The following CNR1 variants were observed in gnomAD, a reference collection of about 807,000 sequenced individuals.
The protein encoded by CNR1 is cannabinoid receptor 1 (brain).
In CNR1, 10 loss-of-function variants were observed where a neutral mutation model predicts 23.0. That is an observed-to-expected ratio of 0.43 (90% confidence interval 0.27 to 0.74). The LOEUF is 0.74. CNR1 is among the 30% of genes least tolerant of loss of function. The pLI is 0.19. For missense variants in CNR1, 422 were observed against 618.8 expected (o/e 0.68, Z 3.37); for synonymous variants, 271 against 255.2 (o/e 1.06, Z -0.59).
chr6:88,144,684 C>T lies in CNR1; in HGVS notation c.591G>A (p.Thr197=), dbSNP rs752402832. The T allele has an allele frequency of 8.1e-6, 13 of 1,614,172 alleles. No individual in the cohort carries two copies. Among genetic ancestry groups the T allele is most frequent in the South Asian group, 3.3e-5 (3 of 91,078 alleles). ...TGCCCACGGAGGCAGTGAAGGAGGCCGTGACCCCACCCAGTTTGAACAGAA... is the reference window on the plus strand; with the variant it reads ...TGCCCACGGAGGCAGTGAAGGAGGCTGTGACCCCACCCAGTTTGAACAGAA... ...NVFLFKLGGV[T]ASFTASVGSL... is the part of the protein sequence containing the mutation. Residue 197 remains threonine, a synonymous_variant, in exon 2 of 2, where the codon ACG becomes ACA. Coordinates refer to ENST00000369501, the MANE Select transcript of CNR1 (RefSeq NM_016083.6). This position sits in a 1 kb window ranked among gnomAD's most constrained non-coding sequence, Gnocchi z 7.8.
chr6:88,159,895 T>C (rs1454181154), intron 1 of CNR1, among the ~76,000 whole-genome samples: 3 of 151,970 alleles, frequency 2.0e-5, no homozygotes, highest in Non-Finnish European at 2.9e-5. Context: ...AAGTCCCTCA[T>C]ATAAAGAATA....
chr6:88,166,904 CT>C (rs1327371611), upstream of CNR1, among the ~76,000 whole-genome samples: 1 of 151,918 alleles, frequency 6.6e-6, no homozygotes, highest in Non-Finnish European at 1.5e-5. Context: ...CGGCAGCGAG[CT>C]GGGCCCGGGG....
At chr6:88,151,467 C>A (rs1206634331) in intron 1 of CNR1, among the ~76,000 whole-genome samples, 1 of 152,126 alleles carries the variant, frequency 6.6e-6, no homozygotes, top group East Asian at 1.9e-4. Flanking sequence ...TCTTTCTAAG[C>A]CTCAGTATTT....
rs1031712874 is a variant in CNR1 at position 88,149,274 on chromosome 6, G to C, written c.-63-3937C>G. 2.0e-5 allele frequency among the ~76,000 whole-genome samples: 3 copies of C among 152,286 alleles called. No homozygotes were observed. In the East Asian group the frequency reaches 5.8e-4, roughly 29 times the overall value. On this transcript the variant is annotated intron_variant, in intron 1 of 1. Transcript: ENST00000369501. Reference sequence around the variant, plus strand: ...AATATCTCCTGAGTTCCTACCCTCAGCCTGGCTCCAATGTTAACTCTCGAG... The same window carrying C: ...AATATCTCCTGAGTTCCTACCCTCACCCTGGCTCCAATGTTAACTCTCGAG...
At chr6:88,160,421 A>T (rs190108917) in intron 1 of CNR1, among the ~76,000 whole-genome samples, 2,357 of 149,908 alleles carry the variant, frequency 0.016, 73 homozygotes, top group African/African-American at 0.054. Flanking sequence ...AACTTAAAAA[A>T]TTTTTTTTCT....
At chr6:88,147,217 C>G (rs1777244994) in intron 1 of CNR1, among the ~76,000 whole-genome samples, 1 of 152,184 alleles carries the variant, frequency 6.6e-6, no homozygotes, top group Non-Finnish European at 1.5e-5. Flanking sequence ...GAGGCTGAGG[C>G]AGGAGAATCG....
chr6:88,160,440 T>C (rs1035308858), intron 1 of CNR1, among the ~76,000 whole-genome samples: 31 of 149,028 alleles, frequency 2.1e-4, no homozygotes, highest in African/African-American at 6.6e-4. Flanking sequence ...CTTTTCTTTT[T>C]TTTTTTTTTT....
rs550951174 is a variant in CNR1 at position 88,141,132 on chromosome 6, G to A, written c.*2724C>T. 12 of 152,448 alleles carry A rather than the reference G, an allele frequency of 7.9e-5. No individual in the cohort carries two copies. The highest frequency in any genetic ancestry group is 3.3e-4 in the Admixed American group (5 of 15,300). 9.4% of individuals were successfully genotyped at this position (152,448 alleles called of 1,614,324 possible). On this transcript the variant is annotated 3_prime_UTR_variant, in exon 2 of 2. Coordinates refer to ENST00000369501, the MANE Select transcript of CNR1 (RefSeq NM_016083.6). ...TAAATTTAAATCATTTAAATTAATGGATCTAATTATGGGGTTAATTAATGA... is the reference window on the plus strand; with the variant it reads ...TAAATTTAAATCATTTAAATTAATGAATCTAATTATGGGGTTAATTAATGA...
At chr6:88,155,361 GA>G (rs1777739404) in intron 1 of CNR1, among the ~76,000 whole-genome samples, 2 of 152,092 alleles carry the variant, frequency 1.3e-5, no homozygotes, top group African/African-American at 2.4e-5. Flanking sequence ...GCCAGTCATG[GA>G]AAAAATATAT....
At chr6:88,146,204 C>G (rs1777175980) in intron 1 of CNR1, among the ~76,000 whole-genome samples, 2 of 152,090 alleles carry the variant, frequency 1.3e-5, no homozygotes, top group Non-Finnish European at 2.9e-5. Flanking sequence ...CTCCCCAGTT[C>G]AAGTGATTCT....
chr6:88,159,744 A>G (rs1448914162), intron 1 of CNR1, among the ~76,000 whole-genome samples: 1 of 152,226 alleles, frequency 6.6e-6, no homozygotes, highest in Admixed American at 6.5e-5. Flanking sequence ...TCACATGCAT[A>G]CTGCCTGCTC....
chr6:88,160,596 G>A (rs912742178), intron 1 of CNR1, among the ~76,000 whole-genome samples: 6 of 151,814 alleles, frequency 4.0e-5, no homozygotes, highest in African/African-American at 1.2e-4. Flanking sequence ...CACCATGCCC[G>A]GCTAATTTTT....
intron 1 of CNR1, among the ~76,000 whole-genome samples, chr6:88,149,272 C>G (rs548059825): frequency 1.3e-5 from 2 of 152,358 alleles, no homozygotes; most frequent in South Asian, 4.1e-4. Context: ...TTCCTACCCT[C>G]AGCCTGGCTC....
At chr6:88,167,243 C>T (rs1021222599), upstream of CNR1, among the ~76,000 whole-genome samples, 1 of 151,824 alleles carries the variant, frequency 6.6e-6, no homozygotes, top group African/African-American at 2.4e-5. Flanking sequence ...GGCTCTGGGA[C>T]TCGGGGGCGG....
At chr6:88,166,860 C>T (rs965847221), upstream of CNR1, among the ~76,000 whole-genome samples, 5 of 152,088 alleles carry the variant, frequency 3.3e-5, no homozygotes, top group African/African-American at 9.6e-5. Context: ...GTCTCGCGCC[C>T]CCTCCCTCCG....
At chr6:88,155,804 G>C (rs1054217270) in intron 1 of CNR1, among the ~76,000 whole-genome samples, 2 of 152,116 alleles carry the variant, frequency 1.3e-5, no homozygotes, top group East Asian at 1.9e-4. Flanking sequence ...GCAGTAACTG[G>C]CAAATAAAAC....
intron 1 of CNR1, among the ~76,000 whole-genome samples, chr6:88,148,055 A>G (rs762576631): frequency 6.6e-5 from 10 of 152,076 alleles, no homozygotes; most frequent in Admixed American, 6.6e-4. Context: ...CACCTCTCCA[A>G]TCTTCTTCTT....
chr6:88,166,129 G>GGCGTCCCGGTCTCCAGCGCCC lies in CNR1; in HGVS notation c.-411_-391dup, dbSNP rs1227700561. On this transcript the variant is annotated 5_prime_UTR_variant, in exon 1 of 2. Transcript: ENST00000369501. Reference sequence around the variant, plus strand: ...CAGCAAGTCAGTCCGTCCGAGCGCCGGCGTCCCGGTCTCCAGCGCCCGCCC... The same window carrying GGCGTCCCGGTCTCCAGCGCCC: ...CAGCAAGTCAGTCCGTCCGAGCGCCGGCGTCCCGGTCTCCAGCGCCCGCGTCCCGGTCTCCAGCGCCCGCCC... 1.3e-5 allele frequency: 2 copies of GGCGTCCCGGTCTCCAGCGCCC among 152,056 alleles called. No individual in the cohort carries two copies. The highest frequency in any genetic ancestry group is 2.4e-5 in the African/African-American group (1 of 41,402). The allele number at this position is 152,056 out of a possible 1,614,324, so 9.4% of individuals were successfully genotyped here.
intron 1 of CNR1, among the ~76,000 whole-genome samples, chr6:88,161,161 C>T (rs1778084906): frequency 6.6e-6 from 1 of 152,112 alleles, no homozygotes; most frequent in Non-Finnish European, 1.5e-5. Flanking sequence ...TAATGATTTC[C>T]ATCTAACCAG....
Sources: allele counts gnomAD v4.1 joint callset (sites outside exome capture counted in the v4.1 genomes callset), GRCh38; gene constraint gnomAD v4.1.1; non-coding constraint Gnocchi (gnomAD v3.1); transcripts MANE v1.5; gene names NCBI Gene and HGNC (gene_info 2026-07-23, HGNC 2026-07-21).